RAD54L2: variants seen among roughly 807,000 people sequenced by gnomAD.
RAD54L2 encodes the protein RAD54 like 2, also known as helicase ARIP4.
A neutral mutation model predicts 138.4 loss-of-function variants in RAD54L2; 27 were observed. The observed-to-expected ratio is 0.20, with a 90% confidence interval of 0.14 to 0.27. The LOEUF (loss-of-function observed/expected upper bound fraction) is 0.27. Among genes scored for constraint, RAD54L2 ranks in the 10% least tolerant of loss-of-function variants. RAD54L2 has a pLI of 1.00. For synonymous variants in RAD54L2, 644 were observed against 723.2 expected, an observed-to-expected ratio of 0.89 and a Z score of 1.76; for missense variants, 1,396 against 1,890.2, an observed-to-expected ratio of 0.74 and a Z score of 4.85.
chr3:51,549,480 G>A (rs923455635), intron 2 of RAD54L2, among the ~76,000 whole-genome samples: 2 of 152,130 alleles, frequency 1.3e-5, no homozygotes, highest in Non-Finnish European at 1.5e-5. Flanking sequence ...GGGAGAAAAA[G>A]GCTGGGCGCG....
intron 2 of RAD54L2, among the ~76,000 whole-genome samples, chr3:51,569,974 G>T (rs1699300146): frequency 6.6e-6 from 1 of 151,258 alleles, no homozygotes; most frequent in Admixed American, 6.6e-5. Flanking sequence ...CTGGGTCTAC[G>T]GACGTGCACC....
In RAD54L2 at chr3:51,635,706, G is replaced by A. The variant is rs917999937; in HGVS notation, c.1256G>A (p.Gly419Asp). 3 of 1,613,750 alleles carry A rather than the reference G, an allele frequency of 1.9e-6. No individual in the cohort carries two copies. Among genetic ancestry groups the A allele is most frequent in the Middle Eastern group, 1.6e-4 (1 of 6,080 alleles). ...LLTLKKSFAT[G>D]RPKKTKKRSH... ...ACTCTGAAGAAATCATTTGCCACAG[G>A]TAGACCGAAGAAAACCAAGAAGCGT... The change falls in exon 10 of 23, where the codon GGT (glycine) becomes GAT (aspartate). Residue 419 changes from glycine (G) to aspartate (D), a missense_variant. Gly to Asp is a moderately conservative substitution (Grantham distance 94). Transcript: ENST00000684192.
In RAD54L2 at chr3:51,557,222, C is replaced by T. The variant is rs111332029; in HGVS notation, c.-55+15572C>T. On this transcript the variant is annotated intron_variant, in intron 2 of 22. Transcript: ENST00000684192. ...TTTTTTTTTTTGAGACAGGGTCTCA[C>T]TCTGTTGCCCAGGCTGGCATGCAGT... Among the ~76,000 whole-genome samples the T allele has an allele frequency of 4.8e-3, 639 of 132,242 alleles. 3 individuals carry two copies. The highest frequency in any genetic ancestry group is 0.017 in the African/African-American group (594 of 34,794). 86.8% of individuals were successfully genotyped at this position (132,242 alleles called of 152,430 possible). A position where few individuals can be genotyped will look rare whatever the true frequency, so the allele number is the denominator to read the frequency against.
At chr3:51,571,540 C>T (rs1169500143) in intron 2 of RAD54L2, among the ~76,000 whole-genome samples, 5 of 151,924 alleles carry the variant, frequency 3.3e-5, no homozygotes, top group African/African-American at 1.2e-4. Flanking sequence ...AGGTGCATCA[C>T]TATTTTTAGT....
At chr3:51,594,219 A>C (rs1379411973) in intron 3 of RAD54L2, among the ~76,000 whole-genome samples, 1 of 151,912 alleles carries the variant, frequency 6.6e-6, no homozygotes, top group Non-Finnish European at 1.5e-5. Flanking sequence ...AATTACAGGC[A>C]TGCACCACTA....
At chr3:51,588,295 G>T (rs1056682790) in intron 2 of RAD54L2, among the ~76,000 whole-genome samples, 4 of 151,838 alleles carry the variant, frequency 2.6e-5, no homozygotes, top group Non-Finnish European at 5.9e-5. Context: ...AGCACTTTGG[G>T]AGGCTGAGGC....
chr3:51,643,754 T>G, intron 15 of RAD54L2, 121 bp from the exon 16 acceptor site: 373 of 743,454 alleles, frequency 5.0e-4, no homozygotes, highest in Non-Finnish European at 7.5e-4. Flanking sequence ...GTCCAAGGGG[T>G]GAGATCTGAG....
intron 10 of RAD54L2, among the ~76,000 whole-genome samples, chr3:51,636,467 G>A (rs1353328104): frequency 6.6e-6 from 1 of 152,158 alleles, no homozygotes; most frequent in East Asian, 1.9e-4. Flanking sequence ...GCCCTCAGAT[G>A]GAGTCAAGAC....
chr3:51,555,915 T>C (rs1467735308), intron 2 of RAD54L2, among the ~76,000 whole-genome samples: 1 of 152,182 alleles, frequency 6.6e-6, no homozygotes, highest in African/African-American at 2.4e-5. Flanking sequence ...AACTGTGATA[T>C]TACACAGCCC....
At chr3:51,626,736 C>T (rs569827632) in intron 3 of RAD54L2, among the ~76,000 whole-genome samples, 14 of 152,092 alleles carry the variant, frequency 9.2e-5, no homozygotes, top group Middle Eastern at 3.4e-3. Flanking sequence ...TGAGCCACCG[C>T]GCCCAGCCCC....
intron 3 of RAD54L2, among the ~76,000 whole-genome samples, chr3:51,626,818 C>G (rs1035474150): frequency 2.0e-5 from 3 of 152,070 alleles, no homozygotes; most frequent in Non-Finnish European, 4.4e-5. Flanking sequence ...TTTTACCTCC[C>G]ATATAGTTCC....
At chr3:51,602,453 C>T (rs1258492492) in intron 3 of RAD54L2, among the ~76,000 whole-genome samples, 2 of 152,174 alleles carry the variant, frequency 1.3e-5, no homozygotes, top group Non-Finnish European at 2.9e-5. Context: ...ACCATATGAT[C>T]TATAGGACTA....
chr3:51,558,479 T>C (rs80098577), intron 2 of RAD54L2, among the ~76,000 whole-genome samples: 2 of 90,924 alleles, frequency 2.2e-5, no homozygotes, highest in South Asian at 7.3e-4. Flanking sequence ...CTCTCTCTCT[T>C]TTTTGAGACA....
At chr3:51,564,909 C>G (rs1471021650) in intron 2 of RAD54L2, among the ~76,000 whole-genome samples, 1 of 152,152 alleles carries the variant, frequency 6.6e-6, no homozygotes, top group African/African-American at 2.4e-5. Flanking sequence ...TGTTAAGAAA[C>G]AGCTTTTCAT....
chr3:51,557,925 A>G (rs1699011742), intron 2 of RAD54L2, among the ~76,000 whole-genome samples: 1 of 150,998 alleles, frequency 6.6e-6, no homozygotes, highest in Non-Finnish European at 1.5e-5. Context: ...GCTCATTGCA[A>G]CCTTCACCTC....
intron 19 of RAD54L2, among the ~76,000 whole-genome samples, chr3:51,652,993 A>T (rs139147343): frequency 6.6e-6 from 1 of 152,352 alleles, no homozygotes; most frequent in Non-Finnish European, 1.5e-5. Flanking sequence ...TGAACAGGCA[A>T]CCTACAGAGT....
intron 3 of RAD54L2, among the ~76,000 whole-genome samples, chr3:51,623,182 A>G (rs1413377925): frequency 6.6e-6 from 1 of 152,256 alleles, no homozygotes; most frequent in Non-Finnish European, 1.5e-5. Flanking sequence ...ATGAAAGTGT[A>G]GTCTACAATT....
intron 2 of RAD54L2, among the ~76,000 whole-genome samples, chr3:51,549,842 T>G (rs1698794170): frequency 6.6e-6 from 1 of 151,814 alleles, no homozygotes; most frequent in Non-Finnish European, 1.5e-5. Context: ...AGCTCTGCTG[T>G]CATTGTGCCT....
intron 4 of RAD54L2, 131 bp downstream of exon 4, chr3:51,627,885 G>A: frequency 9.9e-7 from 1 of 1,012,760 alleles, no homozygotes; most frequent in Non-Finnish European, 1.5e-6. Context: ...TGTCAGGTGT[G>A]TGTCTTCATT....
Sources: gnomAD v4.1 joint callset for allele counts (sites outside exome capture counted in the v4.1 genomes callset) on GRCh38, gnomAD v4.1.1 for gene constraint, MANE v1.5 for transcripts, NCBI Gene and HGNC (gene_info 2026-07-23, HGNC 2026-07-21) for gene names.